EFCAB8: variants seen among roughly 807,000 people sequenced by gnomAD.
EFCAB8 encodes the protein EF-hand calcium binding domain 8.
A neutral mutation model predicts 116.3 loss-of-function variants in EFCAB8; 100 were observed. The observed-to-expected ratio is 0.86, with a 90% CI of 0.73 to 1.02. The LOEUF is 1.02. Among genes scored for constraint, EFCAB8 ranks in the 50% least tolerant of loss-of-function variants. EFCAB8 has a pLI of 0.00. For synonymous variants in EFCAB8, 558 were observed against 567.9 expected, an observed-to-expected ratio of 0.98 and a Z score of 0.25; for missense variants, 1,320 against 1,416.9, an observed-to-expected ratio of 0.93 and a Z score of 1.10.
At chr20:32,948,123 A>G (rs908358616) in intron 23 of EFCAB8, among the ~76,000 whole-genome samples, 2 of 152,154 alleles carry the variant, frequency 1.3e-5, no homozygotes, top group African/African-American at 4.8e-5. Context: ...GAATACACCA[A>G]TTACCAATAT....
In EFCAB8 at chr20:32,961,534, C is replaced by T. The variant is rs558380585; in HGVS notation, c.3792C>T (p.Ser1264=). The change falls in exon 27 of 27, where the codon TCC becomes TCT. Residue 1264 remains serine, a synonymous_variant. Transcript: ENST00000400522. ...GSVTPKHIVS[S]FERPPRPLKA... ...TGACCCCCAAGCACATTGTCTCCTC[C>T]TTCGAGCGGCCCCCAAGGCCTCTGA... The T allele has an allele frequency of 9.2e-6, 13 of 1,414,368 alleles. No homozygotes were observed. The highest frequency in any genetic ancestry group is 6.4e-5 in the Admixed American group (2 of 31,384). 87.6% of individuals were successfully genotyped at this position (1,414,368 alleles called of 1,614,324 possible).
intron 5 of EFCAB8, among the ~76,000 whole-genome samples, chr20:32,884,239 T>G (rs1701586473): frequency 6.6e-6 from 1 of 152,204 alleles, no homozygotes; most frequent in Non-Finnish European, 1.5e-5. Flanking sequence ...TGGCTTACCT[T>G]TACTGAGCCT....
intron 15 of EFCAB8, among the ~76,000 whole-genome samples, chr20:32,910,342 A>G (rs984804079): frequency 1.3e-5 from 2 of 152,032 alleles, no homozygotes; most frequent in African/African-American, 4.8e-5. Context: ...TCATTGTAGG[A>G]AGGGACGGAG....
rs11478583 is a variant in EFCAB8 at position 32,863,011 on chromosome 20, A to AT, written c.-10-759dup. On this transcript the variant is annotated intron_variant, in intron 1 of 26. Coordinates refer to ENST00000400522, the MANE Select transcript of EFCAB8 (RefSeq NM_001143967.2). The stretch of plus-strand genomic sequence containing the variant: ...TTCAAGATTCTACTTTTTGCTGCCA[A>AT]TTTTTTTTTTTTTCCTTCTCTGCCA... 3.1e-3 allele frequency among the ~76,000 whole-genome samples: 459 copies of AT among 148,358 alleles called. 2 individuals are homozygous for AT. The highest frequency in any genetic ancestry group is 5.6e-3 in the South Asian group (26 of 4,648).
chr20:32,898,733 G>A (rs1461662460), intron 11 of EFCAB8, 110 bp downstream of exon 11: 11 of 631,498 alleles, frequency 1.7e-5, no homozygotes, highest in Non-Finnish European at 3.2e-5. Flanking sequence ...ATGGACTCTG[G>A]GGTTTAGTTT....
chr20:32,936,187 C>A (rs1317631313), intron 22 of EFCAB8, among the ~76,000 whole-genome samples: 1 of 152,042 alleles, frequency 6.6e-6, no homozygotes, highest in Non-Finnish European at 1.5e-5. Flanking sequence ...CGTGTGCCAC[C>A]ATGCCTAGCT....
intron 3 of EFCAB8, among the ~76,000 whole-genome samples, chr20:32,868,644 A>G (rs574469298): frequency 3.3e-5 from 5 of 152,258 alleles, no homozygotes; most frequent in African/African-American, 1.2e-4. Flanking sequence ...GAGTCTGGGC[A>G]TGGCTTAGCT....
intron 11 of EFCAB8, among the ~76,000 whole-genome samples, chr20:32,899,361 C>A (rs1306243102): frequency 1.4e-5 from 2 of 147,516 alleles, no homozygotes; most frequent in Non-Finnish European, 3.0e-5. Context: ...GCCGAGATTG[C>A]GCCACTGCAC....
At chr20:32,866,982 A>G (rs1293549308) in intron 2 of EFCAB8, among the ~76,000 whole-genome samples, 1 of 150,880 alleles carries the variant, frequency 6.6e-6, no homozygotes, top group African/African-American at 2.4e-5. Context: ...CAGCGGCACA[A>G]TCTCAGCTCA....
chr20:32,940,039 TC>T lies in EFCAB8; in HGVS notation c.2791-3595del, dbSNP rs1568942591. The stretch of plus-strand genomic sequence containing the variant: ...TCCCTCCCTCCCTTCCTTCCTTCCT[TC>T]CTTCCTTCCTTCCTTCCTTCCTTCC... On this transcript the variant is annotated intron_variant, in intron 22 of 26. Transcript: ENST00000400522. 1.5e-4 allele frequency among the ~76,000 whole-genome samples: 8 copies of T among 53,602 alleles called. 2 individuals are homozygous for T. The highest frequency in any genetic ancestry group is 2.8e-4 in the Non-Finnish European group (8 of 28,808). The allele number at this position is 53,602 out of a possible 152,430, so 35.2% of individuals were successfully genotyped here.
At chr20:32,859,109 TC>T in intron 1 of EFCAB8, 103 bp downstream of exon 1, 2 of 458,372 alleles carry the variant, frequency 4.4e-6, no homozygotes, top group Admixed American at 5.0e-5. Flanking sequence ...CTTATCTGTG[TC>T]CTGGCTGGCT....
intron 1 of EFCAB8, among the ~76,000 whole-genome samples, chr20:32,861,900 T>C (rs945827686): frequency 6.7e-6 from 1 of 150,332 alleles, no homozygotes; most frequent in Admixed American, 6.7e-5. Context: ...CACATGCATA[T>C]ATTCTTAACA....
chr20:32,934,400 G>A (rs1156741014), intron 22 of EFCAB8, among the ~76,000 whole-genome samples: 1 of 152,188 alleles, frequency 6.6e-6, no homozygotes, highest in Non-Finnish European at 1.5e-5. Context: ...TGTGAAAAGT[G>A]CTGCAATGAA....
chr20:32,948,134 C>G (rs982039318), intron 23 of EFCAB8, among the ~76,000 whole-genome samples: 1 of 152,078 alleles, frequency 6.6e-6, no homozygotes, highest in African/African-American at 2.4e-5. Flanking sequence ...TTACCAATAT[C>G]AGGAATGAGT....
intron 20 of EFCAB8, among the ~76,000 whole-genome samples, chr20:32,924,751 G>A (rs977386144): frequency 2.6e-5 from 4 of 152,206 alleles, no homozygotes; most frequent in Non-Finnish European, 4.4e-5. Context: ...TTGAATTTTT[G>A]GCCACAGAAT....
rs746382926 is a variant in EFCAB8 at position 32,918,538 on chromosome 20, G to A, written c.2238G>A (p.Pro746=). The A allele has an allele frequency of 2.5e-5, 39 of 1,551,518 alleles. No homozygotes were observed. Among genetic ancestry groups the A allele is most frequent in the Middle Eastern group, 1.7e-4 (1 of 6,010 alleles). Residue 746 remains proline, a synonymous_variant, in exon 19 of 27, where the codon CCG becomes CCA. Transcript: ENST00000400522. ...LVSAPPVMRC[P]RDKEPDRPVP... ...CGGCTCCCCCAGTGATGCGGTGCCC[G>A]AGAGACAAGGAGCCAGACAGGCCTG...
chr20:32,865,543 A>G (rs1984347170), intron 2 of EFCAB8, among the ~76,000 whole-genome samples: 2 of 152,140 alleles, frequency 1.3e-5, no homozygotes, highest in Non-Finnish European at 2.9e-5. Flanking sequence ...CATATCTGTA[A>G]TCCCAGCACT....
At chr20:32,939,520 T>G (rs1267363271) in intron 22 of EFCAB8, among the ~76,000 whole-genome samples, 1 of 147,756 alleles carries the variant, frequency 6.8e-6, no homozygotes, top group Non-Finnish European at 1.5e-5. Context: ...CCTGACTTTG[T>G]GGTCCGCCTG....
chr20:32,874,132 C>G lies in EFCAB8; in HGVS notation c.209-1794C>G, dbSNP rs1278364853. Among the ~76,000 whole-genome samples, 318 of 151,758 alleles carry G rather than the reference C, an allele frequency of 2.1e-3. 2 individuals carry two copies. The highest frequency in any genetic ancestry group is 7.4e-3 in the African/African-American group (304 of 41,142). On this transcript the variant is annotated intron_variant, in intron 3 of 26. Transcript: ENST00000400522. ...GATGCGGTTTCACCATGTTGCCCAG[C>G]CTGGTCTCAAACTCCTGGGCTCAAG...
Sources: allele counts gnomAD v4.1 joint callset (sites outside exome capture counted in the v4.1 genomes callset), GRCh38; gene constraint gnomAD v4.1.1; transcripts MANE v1.5; gene names NCBI Gene and HGNC (gene_info 2026-07-23, HGNC 2026-07-21).